Variants in CCDC62 observed in about 807,000 individuals in gnomAD.
CCDC62 encodes coiled-coil domain-containing protein 62.
In CCDC62, 72 loss-of-function variants were observed where a neutral mutation model predicts 80.8. The observed-to-expected ratio is 0.89, with a 90% confidence interval of 0.74 to 1.08. The LOEUF is 1.08. Among genes scored for constraint, CCDC62 ranks in the 50% least tolerant of loss-of-function variants. The probability of loss-of-function intolerance (pLI) is 0.00; values close to 1 mark genes in which losing one functional copy is unlikely to be tolerated. For synonymous variants in CCDC62, 286 were observed against 296.5 expected (o/e 0.96, Z 0.36); for missense variants, 704 against 809.4 (o/e 0.87, Z 1.58).
rs989076334 is a variant in CCDC62 at position 122,792,503 on chromosome 12, C to T, written c.772+382C>T. Reference sequence around the variant, plus strand: ...CCTTCCAAAGTGCTGAGATTGCAGGCGTGAGCCCGGCTTTTTTATTTTTAT... The same window carrying T: ...CCTTCCAAAGTGCTGAGATTGCAGGTGTGAGCCCGGCTTTTTTATTTTTAT... On this transcript the variant is annotated intron_variant, in intron 6 of 12. Transcript: ENST00000253079. Among the ~76,000 whole-genome samples, 4 of 151,538 alleles carry T rather than the reference C, an allele frequency of 2.6e-5. No individual in the cohort carries two copies. In the South Asian group the frequency reaches 6.2e-4, roughly 24 times the overall value.
At chr12:122,774,743 G>A in intron 1 of CCDC62, 37 bp downstream of exon 1, 1 of 1,235,566 alleles carries the variant, frequency 8.1e-7, no homozygotes, top group East Asian at 3.2e-5. Context: ...GGCGCCGCGG[G>A]AACGGTGCAC....
intron 12 of CCDC62, among the ~76,000 whole-genome samples, chr12:122,823,908 C>T (rs1475492462): frequency 1.3e-5 from 2 of 151,774 alleles, no homozygotes; most frequent in East Asian, 3.9e-4. Flanking sequence ...ATCACTTGAA[C>T]CCAGGAGGCA....
chr12:122,808,930 A>G (rs1379726711), intron 10 of CCDC62, among the ~76,000 whole-genome samples: 1 of 152,174 alleles, frequency 6.6e-6, no homozygotes, highest in Non-Finnish European at 1.5e-5. Flanking sequence ...GCAATGGTCA[A>G]TTTTTAAATT....
intron 8 of CCDC62, among the ~76,000 whole-genome samples, chr12:122,800,512 C>T (rs991807045): frequency 6.6e-6 from 1 of 151,678 alleles, no homozygotes; most frequent in South Asian, 2.1e-4. Flanking sequence ...ACTGCAACCT[C>T]CACCTCCCAG....
chr12:122,781,695 A>G (rs1235050957), intron 3 of CCDC62, among the ~76,000 whole-genome samples: 1 of 152,020 alleles, frequency 6.6e-6, no homozygotes, highest in Admixed American at 6.5e-5. Context: ...CAAAAAAAAA[A>G]AGAAAAAAGA....
chr12:122,795,702 G>A (rs1476436721), intron 6 of CCDC62, among the ~76,000 whole-genome samples: 2 of 152,182 alleles, frequency 1.3e-5, no homozygotes, highest in African/African-American at 2.4e-5. Flanking sequence ...GGGATTACAG[G>A]CGTGTTCTTT....
chr12:122,777,514 T>A lies in CCDC62; in HGVS notation c.60T>A (p.Ile20=), dbSNP rs1316370511. ...GRQNIGSEVE[I]STIEKQRKEL... ...AGAACATCGGGTCAGAAGTTGAGAT[T>A]TCCACTATCGAGAAACAACGGAAGG... is the stretch of plus-strand genomic sequence containing the variant. The change falls in exon 2 of 13, where the codon ATT becomes ATA. Residue 20 remains isoleucine, a synonymous_variant. Transcript: ENST00000253079. 1 of 1,613,030 alleles carries A rather than the reference T, an allele frequency of 6.2e-7. No homozygotes were observed. The highest frequency in any genetic ancestry group is 8.5e-7 in the Non-Finnish European group (1 of 1,179,308).
chr12:122,790,425 G>A (rs1265372301), intron 5 of CCDC62, among the ~76,000 whole-genome samples: 2 of 152,112 alleles, frequency 1.3e-5, no homozygotes, highest in South Asian at 4.1e-4. Context: ...CACTTTGGGA[G>A]GCCAAAGCAG....
chr12:122,800,375 G>A (rs1338068673), intron 8 of CCDC62, among the ~76,000 whole-genome samples: 3 of 150,736 alleles, frequency 2.0e-5, no homozygotes, highest in African/African-American at 7.3e-5. Context: ...GAGGCCAGGA[G>A]TTCAAGAGCA....
intron 11 of CCDC62, among the ~76,000 whole-genome samples, chr12:122,816,337 T>A (rs77319435): frequency 2.0e-5 from 3 of 152,214 alleles, no homozygotes; most frequent in Non-Finnish European, 2.9e-5. Context: ...TTTAAATGTA[T>A]GCAGTGAGGC....
intron 3 of CCDC62, among the ~76,000 whole-genome samples, chr12:122,784,230 A>T (rs1696355): frequency 0.93 from 141,600 of 152,292 alleles, 65,992 homozygotes; most frequent in East Asian, 0.99. Flanking sequence ...AAAAGTCTAA[A>T]TAGGCTGGGA....
chr12:122,803,625 T>A (rs2031429057), intron 9 of CCDC62, among the ~76,000 whole-genome samples: 2 of 152,228 alleles, frequency 1.3e-5, no homozygotes, highest in South Asian at 4.1e-4. Flanking sequence ...TGTATTTTGT[T>A]TATTTATTTC....
intron 4 of CCDC62, among the ~76,000 whole-genome samples, chr12:122,787,028 C>T (rs1165342787): frequency 6.6e-6 from 1 of 152,136 alleles, no homozygotes; most frequent in East Asian, 1.9e-4. Context: ...AAGTAGCAGA[C>T]AGTTTAGTGG....
chr12:122,820,589 A>G (rs972877344), intron 11 of CCDC62, among the ~76,000 whole-genome samples: 2 of 152,150 alleles, frequency 1.3e-5, no homozygotes, highest in Non-Finnish European at 2.9e-5. Context: ...CACGCCTGTA[A>G]TCCCAGCACT....
chr12:122,800,989 G>A, intron 8 of CCDC62, 135 bp from the exon 9 acceptor site: 1 of 854,022 alleles, frequency 1.2e-6, no homozygotes, highest in African/African-American at 1.7e-5. Flanking sequence ...AGAAGGTCGG[G>A]CTGGAATTGG....
chr12:122,789,034 C>T lies in CCDC62; in HGVS notation c.670+105C>T, dbSNP rs567054769. ...TGCTTGAGAGTAGATCAATTCCTGGCCTTAGACCCTAACGTGAAATATCCA... is the reference window on the plus strand; with the variant it reads ...TGCTTGAGAGTAGATCAATTCCTGGTCTTAGACCCTAACGTGAAATATCCA... On this transcript the variant is annotated intron_variant, in intron 5 of 12. Coordinates refer to ENST00000253079, the MANE Select transcript of CCDC62 (RefSeq NM_201435.5). The T allele has an allele frequency of 1.4e-5, 11 of 813,576 alleles. No individual in the cohort carries two copies. In the East Asian group the frequency reaches 3.1e-4, roughly 23 times the overall value. 50.4% of individuals were successfully genotyped at this position (813,576 alleles called of 1,614,324 possible). A position where few individuals can be genotyped will look rare whatever the true frequency, so the allele number is the denominator to read the frequency against.
chr12:122,822,689 C>G lies in CCDC62; in HGVS notation c.2002-677C>G, dbSNP rs557331467. ...CCCGGGTTCACACCATTGAGTTCCA[C>G]ACTTTTTAGATTTCAAATATAAGTG... On this transcript the variant is annotated intron_variant, in intron 11 of 12. Transcript: ENST00000253079. 2.0e-5 allele frequency among the ~76,000 whole-genome samples: 3 copies of G among 149,914 alleles called. No individual in the cohort carries two copies. In the East Asian group the frequency reaches 6.1e-4, roughly 30 times the overall value.
chr12:122,827,320 A>T lies in CCDC62; in HGVS notation c.*939A>T, dbSNP rs938548972. ...TTAATTTCCTCAGGAATGGGGATGT[A>T]TTTTTTTAAGCATTGCAGATATCAA... On this transcript the variant is annotated 3_prime_UTR_variant, in exon 13 of 13. Coordinates refer to ENST00000253079, the MANE Select transcript of CCDC62 (RefSeq NM_201435.5). 6.6e-6 allele frequency: 1 copy of T among 152,146 alleles called. No individual in the cohort carries two copies. The highest frequency in any genetic ancestry group is 6.5e-5 in the Admixed American group (1 of 15,268). The allele number at this position is 152,146 out of a possible 1,614,324, so 9.4% of individuals were successfully genotyped here. A position where few individuals can be genotyped will look rare whatever the true frequency, so the allele number is the denominator to read the frequency against.
chr12:122,824,812 T>C (rs1593844745), intron 12 of CCDC62, among the ~76,000 whole-genome samples: 1 of 152,240 alleles, frequency 6.6e-6, no homozygotes, highest in Middle Eastern at 3.4e-3. Context: ...GGGCCAGGCA[T>C]GGTGGCTCAT....
Sources: gnomAD v4.1 joint callset for allele counts (sites outside exome capture counted in the v4.1 genomes callset) on GRCh38, gnomAD v4.1.1 for gene constraint, MANE v1.5 for transcripts, NCBI Gene and HGNC (gene_info 2026-07-23, HGNC 2026-07-21) for gene names.